AMOT: variants seen among roughly 807,000 people sequenced by gnomAD.
The protein encoded by AMOT is angiomotin.
Under a neutral mutation model 67.0 loss-of-function variants are expected in AMOT, and 11 were observed. The ratio of observed to expected loss-of-function variants is 0.16; its 90% confidence interval spans 0.10 to 0.27. The LOEUF (loss-of-function observed/expected upper bound fraction) is 0.27. Among genes scored for constraint, AMOT ranks in the 10% least tolerant of loss-of-function variants. The probability of loss-of-function intolerance (pLI) is 1.00; values close to 1 mark genes in which losing one functional copy is unlikely to be tolerated. For synonymous variants in AMOT, 326 were observed against 321.4 expected, an observed-to-expected ratio of 1.01 and a Z score of -0.15; for missense variants, 753 against 852.0, an observed-to-expected ratio of 0.88 and a Z score of 1.45.
chrX:112,791,960 C>T lies in AMOT; in HGVS notation c.1798G>A (p.Val600Ile), dbSNP rs139476840. Residue 600 changes from valine (V) to isoleucine (I), a missense_variant, in exon 9 of 14, where the codon GTT becomes ATT. Around this residue, in one of 5 missense-constraint regions of AMOT, gnomAD observed 66 missense variants for 112.9 expected, o/e 0.58. Coordinates refer to ENST00000371959, the MANE Select transcript of AMOT (RefSeq NM_001113490.2). ...EEELKKKQVY[V>I]DKVEKMQQAL... ...TGCTGCATCTTCTCCACCTTGTCAA[C>T]GTACACTTGCTTCTTTTTCAGCTGG... The T allele has an allele frequency of 1.9e-5, 23 of 1,209,207 alleles. No individual in the cohort carries two copies. The highest frequency in any genetic ancestry group is 8.8e-5 in the African/African-American group (5 of 57,106).
rs918027527 is a variant in AMOT at position 112,815,639 on chromosome X, G to T, written c.1111C>A (p.Gln371Lys). Residue 371 changes from glutamine to lysine, a missense_variant, in exon 5 of 14, where the codon CAA becomes AAA. This residue lies in a region of AMOT where 297 missense variants were observed against 284.3 expected (regional missense o/e 1.04). Transcript: ENST00000371959. ...TGCTGCTGCTGACTCAGGCCAGGTT[G>T]GGAGAGACGGTAATGATCCCCCTGG... Reference protein sequence around the residue: ...AHQGDHYRLSQPGLSQQQQQQ... With the variant: ...AHQGDHYRLSKPGLSQQQQQQ... 3 of 1,192,693 alleles carry T rather than the reference G, an allele frequency of 2.5e-6. No individual in the cohort carries two copies. Among genetic ancestry groups the T allele is most frequent in the Non-Finnish European group, 3.4e-6 (3 of 886,925 alleles).
chrX:112,827,109 G>A (rs758281356), intron 2 of AMOT, among the ~76,000 whole-genome samples: 5 of 112,452 alleles, frequency 4.4e-5, no homozygotes, highest in South Asian at 7.4e-4. Context: ...TGCCTGCCTC[G>A]GTCTCCCAAG....
intron 10 of AMOT, among the ~76,000 whole-genome samples, chrX:112,788,485 T>G (rs748917933): frequency 5.4e-5 from 6 of 111,383 alleles, no homozygotes; most frequent in African/African-American, 1.6e-4. Context: ...TAAAGTTTTC[T>G]AAATGTTACC....
At chrX:112,788,213 C>T (rs376067649) in intron 10 of AMOT, among the ~76,000 whole-genome samples, 9 of 108,618 alleles carry the variant, frequency 8.3e-5, no homozygotes, top group East Asian at 2.9e-4. Context: ...GGCATGAACC[C>T]GGGAGGCGGA....
Position 112,815,659 on chromosome X carries a change from C to T in AMOT, c.1091G>A (p.Gly364Glu). The T allele has an allele frequency of 8.5e-7, 1 of 1,182,162 alleles. No homozygotes were observed. Among genetic ancestry groups the T allele is most frequent in the Non-Finnish European group, 1.1e-6 (1 of 881,316 alleles). The change falls in exon 5 of 14, where the codon GGG (glycine) becomes GAG (glutamate). Residue 364 changes from glycine to glutamate, a missense_variant. Around this residue, in one of 5 missense-constraint regions of AMOT, gnomAD observed 297 missense variants for 284.3 expected, o/e 1.04. Transcript: ENST00000371959. ...QHFLPNQAHQ[G>E]DHYRLSQPGL... The stretch of plus-strand genomic sequence containing the variant: ...AGGTTGGGAGAGACGGTAATGATCC[C>T]CCTGGTGAGCCTGATTAGGAAGGAA...
intron 11 of AMOT, 95 bp downstream of exon 11, chrX:112,782,445 G>A (rs769786808): frequency 1.8e-6 from 2 of 1,122,486 alleles, no homozygotes; most frequent in Non-Finnish European, 1.2e-6. Flanking sequence ...GGAGCGGGGA[G>A]GCTGCATGAT....
Position 112,779,030 on chromosome X carries a change from T to C in AMOT, c.3124A>G (p.Ile1042Val). ...TCTGGATTGCAGGTCAAACTTGGTATAGACAAACGATGTGGTCCAGGACCG... is the reference window on the plus strand; with the variant it reads ...TCTGGATTGCAGGTCAAACTTGGTACAGACAAACGATGTGGTCCAGGACCG... ...ATGPGPHRLS[I>V]PSLTCNPDKT... The change falls in exon 13 of 14, where the codon ATA becomes GTA. Residue 1042 changes from isoleucine (I) to valine (V), a missense_variant. Ile to Val is a conservative substitution (Grantham distance 29). Transcript: ENST00000371959. 1 of 1,211,415 alleles carries C rather than the reference T, an allele frequency of 8.3e-7. No homozygotes were observed. Among genetic ancestry groups the C allele is most frequent in the African/African-American group, 1.7e-5 (1 of 57,763 alleles).
chrX:112,838,909 AT>A (rs1326784782), intron 1 of AMOT, among the ~76,000 whole-genome samples: 1 of 112,361 alleles, frequency 8.9e-6, no homozygotes, highest in African/African-American at 3.2e-5. Flanking sequence ...CCCATACAGA[AT>A]AGTTGGAACC....
chrX:112,790,955 G>A (rs1036435872), intron 9 of AMOT, among the ~76,000 whole-genome samples, 173 bp from the exon 10 acceptor site: 3 of 111,635 alleles, frequency 2.7e-5, no homozygotes, highest in Non-Finnish European at 5.6e-5. Context: ...CCTATCATGG[G>A]CTTGAATGTG....
At chrX:112,830,652 C>G (rs1569406740) in intron 2 of AMOT, among the ~76,000 whole-genome samples, 1 of 112,062 alleles carries the variant, frequency 8.9e-6, no homozygotes, top group African/African-American at 3.2e-5. Context: ...GGGAAAGAAG[C>G]CAAGAGAAGC....
At chrX:112,801,866 G>T (rs1249923543) in intron 8 of AMOT, among the ~76,000 whole-genome samples, 1 of 112,451 alleles carries the variant, frequency 8.9e-6, no homozygotes, top group Non-Finnish European at 1.9e-5. Context: ...CCTGACAAAA[G>T]GTCTAATTTG....
chrX:112,839,469 A>G (rs1356685763), intron 1 of AMOT, among the ~76,000 whole-genome samples: 1 of 111,752 alleles, frequency 8.9e-6, no homozygotes, highest in African/African-American at 3.3e-5. Flanking sequence ...TTATATTCAT[A>G]AAAGTTTTAA....
chrX:112,817,133 G>C (rs776004723), intron 4 of AMOT, among the ~76,000 whole-genome samples: 54 of 112,196 alleles, frequency 4.8e-4, no homozygotes, highest in African/African-American at 1.6e-3. Flanking sequence ...ATGGCTAAGT[G>C]CATGGGATCT....
At chrX:112,813,759 G>C (rs1934444167) in intron 5 of AMOT, among the ~76,000 whole-genome samples, 1 of 111,734 alleles carries the variant, frequency 8.9e-6, no homozygotes, top group Non-Finnish European at 1.9e-5. Context: ...TTTGGAGAGG[G>C]GGTGTCAACT....
chrX:112,830,291 T>A (rs1934955689), intron 2 of AMOT, among the ~76,000 whole-genome samples: 1 of 112,238 alleles, frequency 8.9e-6, no homozygotes, highest in South Asian at 3.7e-4. Flanking sequence ...TGTTGTGGCA[T>A]AACTTCATAA....
rs770963191 is a variant in AMOT, at chrX:112,779,223, A to T, written c.2931T>A (p.Ala977=). ...GAACCAGAGCCGGAGCTGGAACTGGAGCCGGAGCAGCTGGAGCAACCTGAA... is the reference window on the plus strand; with the variant it reads ...GAACCAGAGCCGGAGCTGGAACTGGTGCCGGAGCAGCTGGAGCAACCTGAA... ...AAVQVAPAAP[A]PVPAPALVPV... is the part of the protein sequence containing the mutation. The change falls in exon 13 of 14, where the codon GCT becomes GCA. Residue 977 remains alanine, a synonymous_variant. Transcript: ENST00000371959. 1.3e-5 allele frequency: 9 copies of T among 692,485 alleles called. No homozygotes were observed. The highest frequency in any genetic ancestry group is 2.1e-5 in the Non-Finnish European group (9 of 424,188). The allele number at this position is 692,485 out of a possible 1,213,427, so 57.1% of individuals were successfully genotyped here.
chrX:112,824,403 A>ATCCC (rs1342466793), intron 3 of AMOT, among the ~76,000 whole-genome samples: 1 of 111,976 alleles, frequency 8.9e-6, no homozygotes, highest in Non-Finnish European at 1.9e-5. Context: ...AGGTTTCTAG[A>ATCCC]TGGCAACTCT....
intron 5 of AMOT, among the ~76,000 whole-genome samples, chrX:112,813,002 G>A (rs1396084633): frequency 8.9e-6 from 1 of 112,804 alleles, no homozygotes; most frequent in Non-Finnish European, 1.9e-5. Context: ...CAAGGCCTGC[G>A]CCTGATGAAG....
intron 7 of AMOT, 122 bp from the exon 8 acceptor site, chrX:112,805,214 C>A: frequency 1.2e-6 from 1 of 804,408 alleles, no homozygotes. Context: ...AGCTGAAGAA[C>A]CAGTATACCC....
Sources: allele counts gnomAD v4.1 joint callset (sites outside exome capture counted in the v4.1 genomes callset), GRCh38; gene constraint gnomAD v4.1.1; regional missense constraint gnomAD v4.1.1; transcripts MANE v1.5; gene names NCBI Gene and HGNC (gene_info 2026-07-23, HGNC 2026-07-21).